Variants in PRKAR1A observed in about 807,000 individuals in gnomAD.
PRKAR1A encodes the protein cAMP-dependent protein kinase type I-alpha regulatory subunit.
In PRKAR1A, 3 loss-of-function variants were observed where a neutral mutation model predicts 52.0. The ratio of observed to expected loss-of-function variants is 0.06; its 90% CI spans 0.03 to 0.15. The LOEUF (loss-of-function observed/expected upper bound fraction) is 0.15, where lower values mean the gene tolerates loss of function less well. PRKAR1A is among the 10% of genes least tolerant of loss of function. PRKAR1A has a pLI of 1.00. For missense variants in PRKAR1A, 240 were observed against 477.4 expected (o/e 0.50, Z 4.63); for synonymous variants, 188 against 168.4 (o/e 1.12, Z -0.90).
chr17:68,424,027 A>G, the PRKAR1A span, among the ~76,000 whole-genome samples: 6 of 152,334 alleles, frequency 3.9e-5, no homozygotes, highest in Admixed American at 1.3e-4. Flanking sequence ...AGTGCTCTGG[A>G]TCCTGGAAGC....
chr17:68,460,062 A>G, the PRKAR1A span, among the ~76,000 whole-genome samples: 2 of 152,016 alleles, frequency 1.3e-5, no homozygotes, highest in Non-Finnish European at 2.9e-5. Flanking sequence ...CTCATGATCC[A>G]CCTGCCTCAG....
chr17:68,543,570 A>ACC, intron 11 of PRKAR1A: 1 of 1,476,660 alleles, frequency 6.8e-7, no homozygotes, highest in East Asian at 2.3e-5. Flanking sequence ...CTGTCTAGCC[A>ACC]CCCCTCCCAG....
chr17:68,467,625 G>GACACCTGGACAATAAGTTTCA, the PRKAR1A span, among the ~76,000 whole-genome samples: 1 of 152,134 alleles, frequency 6.6e-6, no homozygotes, highest in South Asian at 2.1e-4. Context: ...TCACACTCTT[G>GACACCTGGACAATAAGTTTCA]ACACCTGGAC....
the PRKAR1A span, among the ~76,000 whole-genome samples, chr17:68,465,715 C>T: frequency 4.8e-5 from 7 of 144,514 alleles, no homozygotes; most frequent in African/African-American, 1.8e-4. Flanking sequence ...GTGATCCACC[C>T]GCCTGGGCCT....
chr17:68,483,450 C>T, the PRKAR1A span, among the ~76,000 whole-genome samples: 1 of 152,156 alleles, frequency 6.6e-6, no homozygotes, highest in Admixed American at 6.5e-5. Context: ...CACTGCACTC[C>T]AGTCTGGGAA....
the PRKAR1A span, among the ~76,000 whole-genome samples, chr17:68,495,245 C>T: frequency 6.6e-6 from 1 of 152,110 alleles, no homozygotes; most frequent in Admixed American, 6.6e-5. Context: ...ATTTTCCAGG[C>T]TGGTTTCAAA....
the PRKAR1A span, among the ~76,000 whole-genome samples, chr17:68,481,656 G>A: frequency 6.6e-6 from 1 of 152,284 alleles, no homozygotes; most frequent in South Asian, 2.1e-4. Context: ...TTTCCAGGTA[G>A]CCAGACATTT....
chr17:68,465,653 G>C, the PRKAR1A span, among the ~76,000 whole-genome samples: 1 of 28,404 alleles, frequency 3.5e-5, no homozygotes, highest in Non-Finnish European at 1.0e-4. Context: ...TTTTTTTGTA[G>C]AGACGGGGTT....
chr17:68,510,195 G>GAGAGAGAGAGAGAT (rs1164168629), upstream of PRKAR1A, among the ~76,000 whole-genome samples: 1 of 148,652 alleles, frequency 6.7e-6, no homozygotes, highest in Middle Eastern at 3.2e-3. Flanking sequence ...GAGAGAGAGA[G>GAGAGAGAGAGAGAT]ATCTATCTAT....
upstream of PRKAR1A, among the ~76,000 whole-genome samples, chr17:68,508,692 A>C (rs2085226824): frequency 6.6e-6 from 1 of 152,220 alleles, no homozygotes; most frequent in African/African-American, 2.4e-5. Flanking sequence ...TGAATAAGTA[A>C]ATATGCTATT....
chr17:68,472,360 G>T, the PRKAR1A span, among the ~76,000 whole-genome samples: 1 of 152,084 alleles, frequency 6.6e-6, no homozygotes, highest in African/African-American at 2.4e-5. Context: ...CCATGTTCTG[G>T]GGGACACAGG....
the PRKAR1A span, among the ~76,000 whole-genome samples, chr17:68,459,434 T>C: frequency 6.6e-6 from 1 of 152,248 alleles, no homozygotes; most frequent in Non-Finnish European, 1.5e-5. Flanking sequence ...GGAGCTGGTG[T>C]TAGTTTTTGA....
At chr17:68,459,856 T>G in the PRKAR1A span, among the ~76,000 whole-genome samples, 1 of 152,120 alleles carries the variant, frequency 6.6e-6, no homozygotes, top group Non-Finnish European at 1.5e-5. Context: ...TTTAATTTTT[T>G]TTTTTTTTGA....
intron 2 of PRKAR1A, among the ~76,000 whole-genome samples, chr17:68,521,264 C>G (rs2143246746): frequency 6.6e-6 from 1 of 152,242 alleles, no homozygotes; most frequent in Non-Finnish European, 1.5e-5. Context: ...GGATCTCACT[C>G]TGTTGCCCAG....
the PRKAR1A span, among the ~76,000 whole-genome samples, chr17:68,458,534 ACCTAT>A: frequency 1.3e-5 from 2 of 152,154 alleles, no homozygotes; most frequent in African/African-American, 2.4e-5. Context: ...TCTAAACAAG[ACCTAT>A]CCGATCCGCA....
chr17:68,540,055 G>C, intron 11 of PRKAR1A: 1 of 1,124,372 alleles, frequency 8.9e-7, no homozygotes, highest in Non-Finnish European at 1.3e-6. Context: ...ACGGAGGCCT[G>C]TCATCACTTG....
the PRKAR1A span, among the ~76,000 whole-genome samples, chr17:68,471,423 A>G: frequency 2.0e-5 from 3 of 152,176 alleles, no homozygotes; most frequent in African/African-American, 7.2e-5. Flanking sequence ...TGTAACCATA[A>G]TCTCCTCCTC....
At chr17:68,528,170 C>T (rs1245050694) in intron 8 of PRKAR1A, among the ~76,000 whole-genome samples, 2 of 152,182 alleles carry the variant, frequency 1.3e-5, no homozygotes, top group Non-Finnish European at 2.9e-5. Flanking sequence ...GTATCATTTG[C>T]TGGCATCCTC....
the PRKAR1A span, among the ~76,000 whole-genome samples, chr17:68,418,119 G>A: frequency 2.0e-5 from 3 of 152,220 alleles, no homozygotes; most frequent in Non-Finnish European, 2.9e-5. Context: ...CTAGAAACTG[G>A]GAGTCTCCTA....
Sources: gnomAD v4.1 joint callset for allele counts (sites outside exome capture counted in the v4.1 genomes callset) on GRCh38, gnomAD v4.1.1 for gene constraint, MANE v1.5 for transcripts, NCBI Gene and HGNC (gene_info 2026-07-23, HGNC 2026-07-21) for gene names.